The following NRG2 variants were observed in gnomAD, a reference collection of about 807,000 sequenced individuals.
NRG2 encodes neuregulin 2.
NRG2 carries 27 observed loss-of-function variants against 73.9 expected under a neutral mutation model. The observed-to-expected ratio is 0.37, with a 90% confidence interval of 0.27 to 0.50. The LOEUF (loss-of-function observed/expected upper bound fraction) is 0.50, where lower values mean the gene tolerates loss of function less well. Ranked by LOEUF, NRG2 falls within the 20% of genes least tolerant of loss-of-function variation. The pLI, the probability that NRG2 is intolerant of heterozygous loss-of-function variation, is 0.96. For missense variants in NRG2, 1,126 were observed against 1,210.1 expected, an observed-to-expected ratio of 0.93 and a Z score of 1.03; for synonymous variants, 532 against 541.0, an observed-to-expected ratio of 0.98 and a Z score of 0.23.
At position 139,904,236 on chromosome 5, in the gene NRG2, TG is replaced by T. The variant is rs1214785549; in HGVS notation, c.701-16726del. Reference sequence around the variant, plus strand: ...CAGCCTAGACTCACCCGCGCTGCGCTGGGGGCGGGTGAGCGGGCGGCAGGTT... The same window carrying T: ...CAGCCTAGACTCACCCGCGCTGCGCTGGGGCGGGTGAGCGGGCGGCAGGTT... On this transcript the variant is annotated intron_variant, in intron 1 of 9. Transcript: ENST00000361474. The surrounding 1 kb of genome is among the most constrained non-coding windows in gnomAD (Gnocchi z 6.0). 2.0e-5 allele frequency: 30 copies of T among 1,503,996 alleles called. No homozygotes were observed. The highest frequency in any genetic ancestry group is 2.3e-5 in the Non-Finnish European group (26 of 1,124,918). 93.2% of individuals were successfully genotyped at this position (1,503,996 alleles called of 1,614,324 possible).
At position 139,865,019 on chromosome 5, in the gene NRG2, C is replaced by G. The variant is rs1365606053; in HGVS notation, c.1189+530G>C. On this transcript the variant is annotated intron_variant, in intron 5 of 9. Transcript: ENST00000361474. The surrounding 1 kb of genome is among the most constrained non-coding windows in gnomAD (Gnocchi z 5.2). Reference sequence around the variant, plus strand: ...TCTAAGGAGCGCAGGACACCCTCTACATCTCCCCCTAGTCTTGCTAAGCAA... The same window carrying G: ...TCTAAGGAGCGCAGGACACCCTCTAGATCTCCCCCTAGTCTTGCTAAGCAA... The G allele has an allele frequency of 8.6e-6, 9 of 1,051,272 alleles. No homozygotes were observed. The allele number at this position is 1,051,272 out of a possible 1,614,324, so 65.1% of individuals were successfully genotyped here.
intron 1 of NRG2, among the ~76,000 whole-genome samples, chr5:139,936,446 T>C (rs1395391239): frequency 1.3e-5 from 2 of 152,192 alleles, no homozygotes; most frequent in Non-Finnish European, 2.9e-5. Flanking sequence ...CTACTAATAC[T>C]CACTCAAAAA....
intron 1 of NRG2, among the ~76,000 whole-genome samples, chr5:140,028,136 G>A (rs1376465175): frequency 1.3e-5 from 2 of 152,152 alleles, no homozygotes; most frequent in Non-Finnish European, 2.9e-5. Flanking sequence ...ACCAGGAAAA[G>A]GCCATTAGTA....
At chr5:139,913,361 T>C (rs1191174521) in intron 1 of NRG2, among the ~76,000 whole-genome samples, 2 of 152,234 alleles carry the variant, frequency 1.3e-5, no homozygotes, top group Non-Finnish European at 2.9e-5. Flanking sequence ...CTGAAACTTA[T>C]GGTCACTGAG....
chr5:139,986,685 T>C (rs866108080), intron 1 of NRG2, among the ~76,000 whole-genome samples: 1 of 152,222 alleles, frequency 6.6e-6, no homozygotes, highest in Admixed American at 6.5e-5. Flanking sequence ...AAATGTTCCA[T>C]ATCTGGGTTG....
In NRG2 at chr5:139,848,527, A is replaced by G. The variant is rs750565276; in HGVS notation, c.1943T>C (p.Leu648Pro). 7.0e-7 allele frequency: 1 copy of G among 1,436,892 alleles called. No individual in the cohort carries two copies. Among genetic ancestry groups the G allele is most frequent in the Non-Finnish European group, 9.0e-7 (1 of 1,105,390 alleles). The allele number at this position is 1,436,892 out of a possible 1,614,324, so 89.0% of individuals were successfully genotyped here. A position where few individuals can be genotyped will look rare whatever the true frequency, so the allele number is the denominator to read the frequency against. Reference sequence around the variant, plus strand: ...CGGGCCGGGGGGCGCCGGGTGCCGCAGTAACGGCTGCTGCTCGGCCAGGCG... The same window carrying G: ...CGGGCCGGGGGGCGCCGGGTGCCGCGGTAACGGCTGCTGCTCGGCCAGGCG... ...SYRLAEQQPLLRHPAPPGPGP... is the reference protein window; with the variant it reads ...SYRLAEQQPLPRHPAPPGPGP... The change falls in exon 10 of 10, where the codon CTG becomes CCG. Residue 648 changes from leucine (L) to proline (P), a missense_variant. This residue lies in a region of NRG2 where 402 missense variants were observed against 357.8 expected (regional missense o/e 1.12). Coordinates refer to ENST00000361474, the MANE Select transcript of NRG2 (RefSeq NM_004883.3).
chr5:140,015,119 G>A (rs1254975346), intron 1 of NRG2, among the ~76,000 whole-genome samples: 2 of 151,706 alleles, frequency 1.3e-5, no homozygotes, highest in East Asian at 3.9e-4. Context: ...ATTTAAAATT[G>A]CAATCCACCC....
intron 1 of NRG2, among the ~76,000 whole-genome samples, chr5:139,959,519 G>C (rs1033969833): frequency 2.6e-5 from 4 of 152,372 alleles, no homozygotes; most frequent in East Asian, 1.9e-4. Context: ...TGGGATTAAA[G>C]GCATGCGCCA....
At chr5:140,020,372 T>A (rs979294805) in intron 1 of NRG2, among the ~76,000 whole-genome samples, 5 of 152,196 alleles carry the variant, frequency 3.3e-5, no homozygotes, top group Admixed American at 3.3e-4. Flanking sequence ...ATGTTATGGA[T>A]TTCCAGGACA....
intron 1 of NRG2, among the ~76,000 whole-genome samples, chr5:139,925,002 A>C (rs1751946435): frequency 6.6e-6 from 1 of 152,182 alleles, no homozygotes; most frequent in Non-Finnish European, 1.5e-5. Context: ...GTCTCAGGAC[A>C]GTAGGACACA....
At chr5:139,949,646 A>C (rs1003375021) in intron 1 of NRG2, among the ~76,000 whole-genome samples, 8 of 152,202 alleles carry the variant, frequency 5.3e-5, no homozygotes, top group Admixed American at 4.6e-4. Flanking sequence ...ACTTAAGAAG[A>C]ATATCTTACT....
At chr5:139,890,388 T>C (rs913704159) in intron 1 of NRG2, among the ~76,000 whole-genome samples, 1 of 152,136 alleles carries the variant, frequency 6.6e-6, no homozygotes, top group South Asian at 2.1e-4. Flanking sequence ...TGCTACAAAG[T>C]TTTTTCCCCT....
chr5:139,962,240 G>A (rs1373370934), intron 1 of NRG2, among the ~76,000 whole-genome samples: 3 of 152,200 alleles, frequency 2.0e-5, no homozygotes, highest in African/African-American at 4.8e-5. Flanking sequence ...TCACATGGCA[G>A]ACACCGAGTG....
chr5:139,969,493 A>G (rs982392690), intron 1 of NRG2, among the ~76,000 whole-genome samples: 16 of 152,254 alleles, frequency 1.1e-4, no homozygotes, highest in African/African-American at 3.6e-4. Context: ...ATCAGGCAAC[A>G]GGTGCGTTCA....
chr5:139,963,007 T>A (rs1755197335), intron 1 of NRG2, among the ~76,000 whole-genome samples: 1 of 152,248 alleles, frequency 6.6e-6, no homozygotes, highest in Non-Finnish European at 1.5e-5. Flanking sequence ...CTTCTCCAGG[T>A]TAGGTTTCTC....
intron 1 of NRG2, among the ~76,000 whole-genome samples, chr5:139,989,895 T>C (rs947798734): frequency 1.3e-5 from 2 of 151,526 alleles, no homozygotes; most frequent in Non-Finnish European, 2.9e-5. Flanking sequence ...TTCATGCCAT[T>C]CTCCTGCCTC....
At chr5:140,017,183 G>C (rs1409595023) in intron 1 of NRG2, among the ~76,000 whole-genome samples, 1 of 152,198 alleles carries the variant, frequency 6.6e-6, no homozygotes, top group Admixed American at 6.5e-5. Context: ...GGAAGTAAAA[G>C]TGATAAGATG....
At chr5:140,019,451 G>T (rs1760049467) in intron 1 of NRG2, 1 of 152,226 alleles carries the variant, frequency 6.6e-6, no homozygotes, top group Admixed American at 6.5e-5. Context: ...TATCAGTCCT[G>T]TTTGTTTTCA....
At position 139,937,167 on chromosome 5, in the gene NRG2, A is replaced by T. The variant is rs1463321241; in HGVS notation, c.701-49656T>A. Among the ~76,000 whole-genome samples the T allele has an allele frequency of 2.6e-5, 4 of 152,368 alleles. No homozygotes were observed. The East Asian group carries it at 5.8e-4, about 22-fold the overall frequency. On this transcript the variant is annotated intron_variant, in intron 1 of 9. Coordinates refer to ENST00000361474, the MANE Select transcript of NRG2 (RefSeq NM_004883.3). ...ATGATCAGATGGAGTTTATCTCAGG[A>T]CTGCAAGATTAATTTAACATTCAAA...
Sources: allele counts gnomAD v4.1 joint callset (sites outside exome capture counted in the v4.1 genomes callset), GRCh38; gene constraint gnomAD v4.1.1; regional missense constraint gnomAD v4.1.1; non-coding constraint Gnocchi (gnomAD v3.1); transcripts MANE v1.5; gene names NCBI Gene and HGNC (gene_info 2026-07-23, HGNC 2026-07-21).